The following RGS6 variants were observed in gnomAD, a reference collection of about 807,000 sequenced individuals.
RGS6 encodes regulator of G protein signaling 6.
Under a neutral mutation model 78.5 loss-of-function variants are expected in RGS6, and 30 were observed. That is an observed-to-expected ratio of 0.38 (90% CI 0.29 to 0.52). The LOEUF is 0.52. Ranked by LOEUF, RGS6 falls within the 20% of genes least tolerant of loss-of-function variation. The pLI is 0.85. For synonymous variants in RGS6, 206 were observed against 206.0 expected (o/e 1.00, Z 0.00); for missense variants, 495 against 609.7 (o/e 0.81, Z 1.98).
chr14:71,951,263 G>A (rs2092290578), intron 1 of RGS6, among the ~76,000 whole-genome samples: 1 of 152,116 alleles, frequency 6.6e-6, no homozygotes, highest in Non-Finnish European at 1.5e-5. Context: ...GCAGGGTCGT[G>A]GATGGAGCGG....
intron 5 of RGS6, 32 bp from the exon 6 acceptor site, chr14:72,459,600 C>G: frequency 6.2e-7 from 1 of 1,612,624 alleles, no homozygotes; most frequent in Non-Finnish European, 8.5e-7. Context: ...CATGGCGCGC[C>G]CCTGAGCACT....
chr14:71,930,921 G>A (rs1264494682), upstream of RGS6, among the ~76,000 whole-genome samples: 2 of 137,416 alleles, frequency 1.5e-5, no homozygotes, highest in Non-Finnish European at 3.1e-5. Flanking sequence ...AGGTTGCAGT[G>A]AGCGAAGATT....
intron 3 of RGS6, among the ~76,000 whole-genome samples, chr14:72,406,888 G>A (rs911675854): frequency 1.3e-5 from 2 of 152,156 alleles, no homozygotes; most frequent in Admixed American, 1.3e-4. Flanking sequence ...AGCTTGGGTT[G>A]TGCCCACCAT....
chr14:72,428,062 C>A (rs1047113538), intron 3 of RGS6, among the ~76,000 whole-genome samples: 6 of 152,112 alleles, frequency 3.9e-5, no homozygotes, highest in Admixed American at 1.3e-4. Flanking sequence ...GTAAAGGGAT[C>A]CTTAGCTTAG....
chr14:71,964,060 A>G (rs1004432275), intron 1 of RGS6, among the ~76,000 whole-genome samples: 7 of 152,002 alleles, frequency 4.6e-5, no homozygotes, highest in African/African-American at 1.4e-4. Context: ...AATAATCTTA[A>G]TGGGTATGAA....
intron 2 of RGS6, among the ~76,000 whole-genome samples, chr14:72,293,408 T>C (rs1409404199): frequency 1.3e-5 from 2 of 152,190 alleles, no homozygotes; most frequent in African/African-American, 4.8e-5. Context: ...CAAATTGTGA[T>C]GGGGTGAGGT....
At chr14:72,210,753 A>G (rs2043911859) in intron 2 of RGS6, among the ~76,000 whole-genome samples, 1 of 151,994 alleles carries the variant, frequency 6.6e-6, no homozygotes, top group South Asian at 2.1e-4. Flanking sequence ...CAGAAATGCC[A>G]TCTTAAAACT....
At chr14:72,163,105 G>T (rs1319656872) in intron 2 of RGS6, among the ~76,000 whole-genome samples, 1 of 152,118 alleles carries the variant, frequency 6.6e-6, no homozygotes, top group African/African-American at 2.4e-5. Context: ...AGTGTATACT[G>T]CTCAGGTGAT....
intron 2 of RGS6, among the ~76,000 whole-genome samples, chr14:72,284,879 G>T (rs1004371652): frequency 7.9e-5 from 12 of 152,206 alleles, no homozygotes; most frequent in African/African-American, 2.9e-4. Context: ...CTCTTGCATC[G>T]GCGTGACCTG....
At chr14:72,028,928 G>A (rs192611792) in intron 2 of RGS6, among the ~76,000 whole-genome samples, 6 of 152,244 alleles carry the variant, frequency 3.9e-5, no homozygotes, top group Admixed American at 1.3e-4. Context: ...AATATTTGGC[G>A]TCATAAAAGC....
chr14:71,913,704 CA>C, the RGS6 span, among the ~76,000 whole-genome samples: 1 of 152,310 alleles, frequency 6.6e-6, no homozygotes, highest in African/African-American at 2.4e-5. Flanking sequence ...GAGACACATG[CA>C]AGAAGAAACT....
chr14:72,041,131 CCT>C (rs35623525), intron 2 of RGS6, among the ~76,000 whole-genome samples: 6,637 of 152,116 alleles, frequency 0.044, 179 homozygotes, highest in African/African-American at 0.078. Context: ...GCCATGTTCC[CCT>C]GATTCTTCAT....
chr14:72,200,023 A>G (rs1384975705), intron 2 of RGS6, among the ~76,000 whole-genome samples: 1 of 152,194 alleles, frequency 6.6e-6, no homozygotes, highest in South Asian at 2.1e-4. Context: ...GGGTCTAAAT[A>G]TAACCATTTC....
At chr14:72,135,238 A>T (rs1007928633) in intron 2 of RGS6, among the ~76,000 whole-genome samples, 2 of 152,176 alleles carry the variant, frequency 1.3e-5, no homozygotes, top group Non-Finnish European at 2.9e-5. Flanking sequence ...CATGGTCACA[A>T]AAACCTTGGT....
chr14:71,961,343 A>G (rs950079817), intron 1 of RGS6, among the ~76,000 whole-genome samples: 9 of 152,190 alleles, frequency 5.9e-5, no homozygotes, highest in African/African-American at 2.2e-4. Context: ...GCTGGATTTT[A>G]TAGCCAATGC....
chr14:72,273,875 C>A (rs2060294918), intron 2 of RGS6, among the ~76,000 whole-genome samples: 1 of 152,180 alleles, frequency 6.6e-6, no homozygotes, highest in Non-Finnish European at 1.5e-5. Flanking sequence ...CCGGTATGTG[C>A]AGATAGAAGT....
the RGS6 span, among the ~76,000 whole-genome samples, chr14:71,907,809 G>A: frequency 7.2e-5 from 11 of 152,124 alleles, no homozygotes; most frequent in Non-Finnish European, 1.3e-4. Context: ...GAAATCAACA[G>A]GGATTGATGT....
At chr14:72,333,565 G>A (rs556882355) in intron 2 of RGS6, among the ~76,000 whole-genome samples, 26 of 152,310 alleles carry the variant, frequency 1.7e-4, no homozygotes, top group African/African-American at 2.6e-4. Flanking sequence ...GGCACTTTCC[G>A]CTGTCAGAAT....
the RGS6 span, chr14:72,595,107 A>G: frequency 6.6e-6 from 1 of 152,084 alleles, no homozygotes; most frequent in African/African-American, 2.4e-5. Context: ...TCTAATAACC[A>G]TCTCTCTCTG....
Sources: allele counts gnomAD v4.1 joint callset (sites outside exome capture counted in the v4.1 genomes callset), GRCh38; gene constraint gnomAD v4.1.1; transcripts MANE v1.5; gene names NCBI Gene and HGNC (gene_info 2026-07-23, HGNC 2026-07-21).